ATP10D: variants seen among roughly 807,000 people sequenced by gnomAD.
ATP10D encodes ATPase phospholipid transporting 10D (putative).
A neutral mutation model predicts 144.8 loss-of-function variants in ATP10D; 89 were observed. The observed-to-expected ratio is 0.61, with a 90% confidence interval of 0.52 to 0.73. The LOEUF (loss-of-function observed/expected upper bound fraction) is 0.73. ATP10D is among the 30% of genes least tolerant of loss of function. The probability of loss-of-function intolerance (pLI) is 0.00; values close to 1 mark genes in which losing one functional copy is unlikely to be tolerated. For missense variants in ATP10D, 1,603 were observed against 1,714.8 expected (o/e 0.93, Z 1.15); for synonymous variants, 571 against 615.1 (o/e 0.93, Z 1.06).
At chr4:47,565,595 T>G (rs1482027491) in intron 15 of ATP10D, among the ~76,000 whole-genome samples, 1 of 152,140 alleles carries the variant, frequency 6.6e-6, no homozygotes, top group Non-Finnish European at 1.5e-5. Flanking sequence ...TAATGGGGTT[T>G]TTGTGAGCAT....
rs1350475417 is a variant in ATP10D at position 47,546,512 on chromosome 4, GT to G, written c.1397-109del. 22 of 967,570 alleles carry G rather than the reference GT, an allele frequency of 2.3e-5. No individual in the cohort carries two copies. In the African/African-American group the frequency reaches 3.4e-4, roughly 15 times the overall value. 59.9% of individuals were successfully genotyped at this position (967,570 alleles called of 1,614,324 possible). A position where few individuals can be genotyped will look rare whatever the true frequency, so the allele number is the denominator to read the frequency against. On this transcript the variant is annotated intron_variant, in intron 9 of 22. Coordinates refer to ENST00000273859, the MANE Select transcript of ATP10D (RefSeq NM_020453.4). ...ATGGGAGGTAGGCCTTGGCAGCCAG[GT>G]TTGAAAGGGGAGGAGATGGTGTGAA...
At chr4:47,495,341 G>C (rs868417746) in intron 1 of ATP10D, among the ~76,000 whole-genome samples, 75 of 151,962 alleles carry the variant, frequency 4.9e-4, no homozygotes, top group African/African-American at 1.8e-3. Context: ...AGAAAAAAAA[G>C]AGTTAAAGGA....
At chr4:47,516,399 A>G (rs1426658019) in intron 3 of ATP10D, among the ~76,000 whole-genome samples, 2 of 152,242 alleles carry the variant, frequency 1.3e-5, no homozygotes, top group Non-Finnish European at 2.9e-5. Flanking sequence ...TATGAAATAG[A>G]GAGTCTATGT....
intron 4 of ATP10D, among the ~76,000 whole-genome samples, chr4:47,524,877 A>G (rs1717156609): frequency 6.6e-6 from 1 of 151,286 alleles, no homozygotes; most frequent in East Asian, 1.9e-4. Context: ...CATGTTTCCT[A>G]TTATATACTT....
intron 15 of ATP10D, among the ~76,000 whole-genome samples, chr4:47,566,138 G>C (rs967691795): frequency 6.6e-6 from 1 of 152,190 alleles, no homozygotes; most frequent in Non-Finnish European, 1.5e-5. Context: ...ATTCTAAGCA[G>C]GCAATGTGGC....
chr4:47,500,984 A>G (rs1715653136), intron 1 of ATP10D, among the ~76,000 whole-genome samples: 1 of 152,212 alleles, frequency 6.6e-6, no homozygotes, highest in African/African-American at 2.4e-5. Flanking sequence ...AGTGACTCTG[A>G]CAAGGTGTTG....
At chr4:47,546,934 A>G in intron 10 of ATP10D, 72 bp downstream of exon 10, 1 of 1,421,352 alleles carries the variant, frequency 7.0e-7, no homozygotes, top group East Asian at 2.3e-5. Context: ...TGTAATTATG[A>G]TAGAGTCAAA....
At chr4:47,497,785 C>T (rs1214369745) in intron 1 of ATP10D, among the ~76,000 whole-genome samples, 2 of 152,152 alleles carry the variant, frequency 1.3e-5, no homozygotes, top group Non-Finnish European at 1.5e-5. Flanking sequence ...TGTGAATTGC[C>T]ACTAACTTGC....
intron 22 of ATP10D, 36 bp from the exon 23 acceptor site, chr4:47,591,006 A>T: frequency 7.3e-7 from 1 of 1,363,608 alleles, no homozygotes; most frequent in Non-Finnish European, 1.0e-6. Flanking sequence ...TGCATTTGAG[A>T]TGAATTTAAT....
intron 19 of ATP10D, among the ~76,000 whole-genome samples, chr4:47,579,899 C>CT (rs1003099781): frequency 2.6e-5 from 4 of 152,094 alleles, no homozygotes; most frequent in Admixed American, 6.5e-5. Flanking sequence ...AGCAAGCTGC[C>CT]TTTTTTTTCT....
chr4:47,558,376 C>T (rs931445323), intron 12 of ATP10D, 103 bp downstream of exon 12: 14 of 1,443,730 alleles, frequency 9.7e-6, no homozygotes, highest in Admixed American at 2.1e-5. Context: ...TATCTGGGGA[C>T]TAATCACATT....
At chr4:47,515,434 A>G in intron 2 of ATP10D, 42 bp from the exon 3 acceptor site, 1 of 1,524,458 alleles carries the variant, frequency 6.6e-7, no homozygotes, top group Non-Finnish European at 8.9e-7. Flanking sequence ...TCAGTCCTTG[A>G]AGTAACTTCT....
chr4:47,512,559 T>C lies in ATP10D; in HGVS notation c.19T>C (p.Trp7Arg), dbSNP rs763546918. The C allele has an allele frequency of 1.3e-5, 21 of 1,613,450 alleles. No individual in the cohort carries two copies. In the Admixed American group the frequency reaches 1.8e-4, roughly 14 times the overall value. MTEALQ[W>R]ARYHWRRLIR... is the part of the protein sequence containing the mutation. ...TTTGGATATGACTGAGGCTCTCCAA[T>C]GGGCCAGATATCACTGGCGACGGCT... The change falls in exon 2 of 23, where the codon TGG (tryptophan) becomes CGG (arginine). Residue 7 changes from tryptophan to arginine, a missense_variant. By Grantham distance (101) the Trp-to-Arg change is moderately radical (BLOSUM62 -3). Transcript: ENST00000273859.
At chr4:47,493,379 C>T (rs371834872) in intron 1 of ATP10D, among the ~76,000 whole-genome samples, 19 of 152,222 alleles carry the variant, frequency 1.2e-4, no homozygotes, top group African/African-American at 3.9e-4. Flanking sequence ...ACTTCAATTC[C>T]CATACAACCA....
chr4:47,512,996 G>A (rs1368235408), intron 2 of ATP10D, 166 bp downstream of exon 2: 15 of 657,492 alleles, frequency 2.3e-5, no homozygotes, highest in South Asian at 8.8e-5. Context: ...TCCCATTCAC[G>A]TAGCACTTTC....
chr4:47,494,770 T>C (rs1325926588), intron 1 of ATP10D, among the ~76,000 whole-genome samples: 4 of 152,182 alleles, frequency 2.6e-5, no homozygotes, highest in Non-Finnish European at 5.9e-5. Flanking sequence ...AACTGACTTA[T>C]TTTTGAGATT....
intron 16 of ATP10D, among the ~76,000 whole-genome samples, chr4:47,569,843 G>A (rs1719859692): frequency 1.3e-5 from 2 of 152,174 alleles, no homozygotes. Context: ...GGGAGACATG[G>A]AGAAGAACAT....
chr4:47,517,860 A>T (rs1430035168), intron 3 of ATP10D, among the ~76,000 whole-genome samples: 1 of 152,214 alleles, frequency 6.6e-6, no homozygotes, highest in African/African-American at 2.4e-5. Flanking sequence ...GAAATGCAGT[A>T]TTATAGTCAG....
intron 9 of ATP10D, among the ~76,000 whole-genome samples, chr4:47,541,476 G>A (rs987786655): frequency 6.6e-6 from 1 of 152,264 alleles, no homozygotes; most frequent in African/African-American, 2.4e-5. Flanking sequence ...AATTGTATGG[G>A]GAATTTGTTT....
Sources: gnomAD v4.1 joint callset for allele counts (sites outside exome capture counted in the v4.1 genomes callset) on GRCh38, gnomAD v4.1.1 for gene constraint, MANE v1.5 for transcripts, NCBI Gene and HGNC (gene_info 2026-07-23, HGNC 2026-07-21) for gene names.